Variants in HIVEP3 observed in about 807,000 individuals in gnomAD.
HIVEP3 encodes HIVEP zinc finger 3.
In HIVEP3, 49 loss-of-function variants were observed where a neutral mutation model predicts 152.8. The ratio of observed to expected loss-of-function variants is 0.32; its 90% CI spans 0.26 to 0.41. The LOEUF (loss-of-function observed/expected upper bound fraction) is 0.41, where lower values mean the gene tolerates loss of function less well. Among genes scored for constraint, HIVEP3 ranks in the 10% least tolerant of loss-of-function variants. HIVEP3 has a pLI of 1.00. For synonymous variants in HIVEP3, 1,269 were observed against 1,289.0 expected (o/e 0.98, Z 0.33); for missense variants, 2,790 against 3,103.3 (o/e 0.90, Z 2.40).
At chr1:41,552,692 C>T (rs554467564) in intron 5 of HIVEP3, among the ~76,000 whole-genome samples, 4 of 151,740 alleles carry the variant, frequency 2.6e-5, no homozygotes, top group African/African-American at 7.3e-5. Flanking sequence ...GTGCATGTGT[C>T]TTTATAGCAG....
At chr1:41,940,752 G>C (rs910781704) in intron 1 of HIVEP3, among the ~76,000 whole-genome samples, 1 of 152,024 alleles carries the variant, frequency 6.6e-6, no homozygotes, top group Non-Finnish European at 1.5e-5. Flanking sequence ...AATGAAAGGA[G>C]AGAAGATTTG....
At chr1:41,755,566 C>G (rs1458650969) in intron 1 of HIVEP3, among the ~76,000 whole-genome samples, 1 of 150,894 alleles carries the variant, frequency 6.6e-6, no homozygotes, top group Non-Finnish European at 1.5e-5. Flanking sequence ...TGACAAAGGA[C>G]TCATATCTAG....
intron 1 of HIVEP3, among the ~76,000 whole-genome samples, chr1:41,857,193 ACAAGAGGCCCCTCTC>A (rs1643791598): frequency 6.6e-6 from 1 of 151,534 alleles, no homozygotes; most frequent in Admixed American, 6.6e-5. Flanking sequence ...CCCCCATTCC[ACAAGAGGCCCCTCTC>A]CCTGGACACA....
intron 1 of HIVEP3, among the ~76,000 whole-genome samples, chr1:41,717,878 G>A (rs1419927441): frequency 6.6e-6 from 1 of 152,236 alleles, no homozygotes; most frequent in Non-Finnish European, 1.5e-5. Flanking sequence ...CGCTGACTGA[G>A]CGCCTAGCTC....
intron 1 of HIVEP3, among the ~76,000 whole-genome samples, chr1:41,894,889 C>G (rs1644503757): frequency 1.3e-5 from 2 of 152,134 alleles, no homozygotes. Flanking sequence ...CCTTACTAAG[C>G]AATCTAAAAC....
At chr1:41,866,165 G>T (rs987124049) in intron 1 of HIVEP3, among the ~76,000 whole-genome samples, 2 of 152,212 alleles carry the variant, frequency 1.3e-5, no homozygotes, top group Admixed American at 6.5e-5. Flanking sequence ...TGGTCAAAGT[G>T]GGGGGTGCAG....
chr1:41,552,684 G>T (rs1368466009), intron 5 of HIVEP3, among the ~76,000 whole-genome samples: 1 of 151,588 alleles, frequency 6.6e-6, no homozygotes, highest in Non-Finnish European at 1.5e-5. Context: ...ACATACGTGT[G>T]CATGTGTCTT....
At chr1:41,752,236 T>C (rs4660567) in intron 1 of HIVEP3, among the ~76,000 whole-genome samples, 131,200 of 152,160 alleles carry the variant, frequency 0.86, 59,180 homozygotes, top group Non-Finnish European at 1. Flanking sequence ...GTGACCTCTG[T>C]GCTGCACCTC....
chr1:41,607,868 GTCT>G (rs1644843737), intron 3 of HIVEP3, among the ~76,000 whole-genome samples: 1 of 152,154 alleles, frequency 6.6e-6, no homozygotes, highest in South Asian at 2.1e-4. Context: ...TTTGATCTTG[GTCT>G]TCTGATATCC....
intron 5 of HIVEP3, among the ~76,000 whole-genome samples, chr1:41,544,997 T>TATCACCACCTCTACCACC (rs1558047281): frequency 7.5e-5 from 3 of 39,958 alleles, no homozygotes; most frequent in Admixed American, 2.5e-4. Flanking sequence ...CCACCATCGC[T>TATCACCACCTCTACCACC]ACCATCACCA....
intron 1 of HIVEP3, among the ~76,000 whole-genome samples, chr1:41,841,771 T>A (rs1263987915): frequency 2.0e-5 from 3 of 152,118 alleles, no homozygotes; most frequent in African/African-American, 7.2e-5. Flanking sequence ...GCTTATGAGT[T>A]TGGTACATCA....
Position 41,616,853 on chromosome 1 carries a change from A to C in HIVEP3, c.-522+11896T>G, listed in dbSNP as rs556571539. 3.3e-5 allele frequency among the ~76,000 whole-genome samples: 5 copies of C among 152,172 alleles called. No individual in the cohort carries two copies. The South Asian group carries it at 1.0e-3, about 31-fold the overall frequency. ...CTAGGCTACAGGCCAATAGGTTGTGAGCAGTTATCCTGTACCAGGCACAGT... is the reference window on the plus strand; with the variant it reads ...CTAGGCTACAGGCCAATAGGTTGTGCGCAGTTATCCTGTACCAGGCACAGT... On this transcript the variant is annotated intron_variant, in intron 3 of 8. Transcript: ENST00000372583.
At chr1:41,845,512 G>A (rs1025448079) in intron 1 of HIVEP3, among the ~76,000 whole-genome samples, 7 of 151,082 alleles carry the variant, frequency 4.6e-5, no homozygotes, top group African/African-American at 1.7e-4. Context: ...CCTGCCACTA[G>A]GAACAACAGG....
intron 3 of HIVEP3, among the ~76,000 whole-genome samples, chr1:41,620,604 C>T (rs1028579331): frequency 2.0e-4 from 31 of 152,172 alleles, no homozygotes; most frequent in Admixed American, 1.4e-3. Flanking sequence ...CACAGCTGCA[C>T]ACATCACCTG....
chr1:41,911,464 T>C (rs1043680085), intron 1 of HIVEP3, among the ~76,000 whole-genome samples: 5 of 152,200 alleles, frequency 3.3e-5, no homozygotes, highest in Non-Finnish European at 7.3e-5. Context: ...GTGAAACTCA[T>C]ATGACACCAT....
chr1:41,841,211 G>C (rs763400494), intron 1 of HIVEP3, among the ~76,000 whole-genome samples: 4 of 152,270 alleles, frequency 2.6e-5, no homozygotes, highest in Non-Finnish European at 2.9e-5. Flanking sequence ...CTTCAAGAAG[G>C]CTGCATCAGA....
chr1:41,580,701 G>A lies in HIVEP3; in HGVS notation c.4097C>T (p.Thr1366Met), dbSNP rs145728425. ...ATGCACATCTGCACCACATACAGTCGTCCCCTTTGATGGGGGTTCCTCAAA... is the reference window on the plus strand; with the variant it reads ...ATGCACATCTGCACCACATACAGTCATCCCCTTTGATGGGGGTTCCTCAAA... ...PKFEEPPSKG[T>M]TVCGADVHEV... is the part of the protein sequence containing the mutation. The change falls in exon 4 of 9, where the codon ACG becomes ATG. Residue 1366 changes from threonine to methionine, a missense_variant. Coordinates refer to ENST00000372583, the MANE Select transcript of HIVEP3 (RefSeq NM_024503.5). 3.3e-4 allele frequency: 526 copies of A among 1,602,514 alleles called. No homozygotes were observed. Among genetic ancestry groups the A allele is most frequent in the Middle Eastern group, 5.0e-4 (3 of 6,010 alleles).
At chr1:41,982,205 G>T (rs959993265) in intron 1 of HIVEP3, among the ~76,000 whole-genome samples, 2 of 152,212 alleles carry the variant, frequency 1.3e-5, no homozygotes, top group Non-Finnish European at 2.9e-5. Flanking sequence ...CGTCAAAGGG[G>T]CTGGAAAGGT....
intron 1 of HIVEP3, among the ~76,000 whole-genome samples, chr1:41,871,710 G>A (rs371923104): frequency 1.3e-5 from 2 of 152,272 alleles, no homozygotes; most frequent in Admixed American, 1.3e-4. Flanking sequence ...GAATCTGTGC[G>A]TTACTCGACA....
Sources: allele counts gnomAD v4.1 joint callset (sites outside exome capture counted in the v4.1 genomes callset), GRCh38; gene constraint gnomAD v4.1.1; transcripts MANE v1.5; gene names NCBI Gene and HGNC (gene_info 2026-07-23, HGNC 2026-07-21).